The following TMTC2 variants were observed in gnomAD, a reference collection of about 807,000 sequenced individuals.
TMTC2 encodes the protein protein O-mannosyl-transferase TMTC2.
Under a neutral mutation model 82.4 loss-of-function variants are expected in TMTC2, and 43 were observed. The ratio of observed to expected loss-of-function variants is 0.52; its 90% confidence interval spans 0.41 to 0.67. The LOEUF (loss-of-function observed/expected upper bound fraction) is 0.67. Ranked by LOEUF, TMTC2 falls within the 30% of genes least tolerant of loss-of-function variation. The probability of loss-of-function intolerance (pLI) is 0.00; values close to 1 mark genes in which losing one functional copy is unlikely to be tolerated. For missense variants in TMTC2, 919 were observed against 1,012.4 expected (o/e 0.91, Z 1.25); for synonymous variants, 408 against 381.9 (o/e 1.07, Z -0.80).
chr12:83,051,158 A>G, intron 10 of TMTC2, 140 bp downstream of exon 10: 1 of 593,500 alleles, frequency 1.7e-6, no homozygotes, highest in Non-Finnish European at 2.8e-6. Context: ...AATTAGAAAT[A>G]TTGTATTCAT....
intron 11 of TMTC2, among the ~76,000 whole-genome samples, chr12:83,108,831 G>T (rs1360289323): frequency 6.6e-6 from 1 of 152,136 alleles, no homozygotes; most frequent in East Asian, 1.9e-4. Context: ...AGTGAAGATT[G>T]TCTTTCAAAG....
chr12:83,071,401 C>T (rs1052308086), intron 11 of TMTC2, among the ~76,000 whole-genome samples: 1 of 152,146 alleles, frequency 6.6e-6, no homozygotes. Context: ...TCGTGATCCA[C>T]CCGCCTTGGC....
At chr12:82,982,187 G>A (rs1234057223) in intron 7 of TMTC2, among the ~76,000 whole-genome samples, 1 of 151,774 alleles carries the variant, frequency 6.6e-6, no homozygotes, top group Non-Finnish European at 1.5e-5. Flanking sequence ...GCAGCTTGAT[G>A]CGATGGGAAG....
chr12:82,774,465 AC>A (rs1877479692), intron 1 of TMTC2, among the ~76,000 whole-genome samples: 1 of 151,972 alleles, frequency 6.6e-6, no homozygotes, highest in Admixed American at 6.6e-5. Flanking sequence ...TACCAAAAAT[AC>A]AAAAACTAGC....
intron 11 of TMTC2, among the ~76,000 whole-genome samples, chr12:83,113,001 T>C (rs754339623): frequency 4.6e-5 from 7 of 152,202 alleles, no homozygotes; most frequent in Non-Finnish European, 7.3e-5. Flanking sequence ...GGGTTTGAAA[T>C]AATTTACTTT....
At chr12:82,888,766 G>T (rs1873233512) in intron 2 of TMTC2, among the ~76,000 whole-genome samples, 1 of 152,180 alleles carries the variant, frequency 6.6e-6, no homozygotes, top group Admixed American at 6.5e-5. Flanking sequence ...TGGGAGAGAT[G>T]TGTCAGTTAT....
intron 4 of TMTC2, 49 bp downstream of exon 4, chr12:82,930,594 T>A: frequency 9.0e-7 from 1 of 1,110,628 alleles, no homozygotes; most frequent in Non-Finnish European, 1.3e-6. Context: ...AAACCTGCAG[T>A]GAGAGGGACT....
intron 8 of TMTC2, among the ~76,000 whole-genome samples, chr12:83,009,785 G>A (rs993016957): frequency 3.3e-5 from 5 of 152,154 alleles, no homozygotes; most frequent in African/African-American, 1.2e-4. Context: ...TTTAATGGAA[G>A]ACAATGTTTC....
At chr12:82,965,415 G>A (rs1198483874) in intron 5 of TMTC2, 145 bp from the exon 6 acceptor site, 1 of 802,156 alleles carries the variant, frequency 1.2e-6, no homozygotes, top group Non-Finnish European at 1.9e-6. Flanking sequence ...TACCATTATT[G>A]ATCCCATGAG....
intron 1 of TMTC2, among the ~76,000 whole-genome samples, chr12:82,789,539 G>A (rs553285247): frequency 6.6e-6 from 1 of 152,152 alleles, no homozygotes; most frequent in Admixed American, 6.5e-5. Flanking sequence ...GAAGTAAAAT[G>A]CCACCCGATT....
intron 1 of TMTC2, among the ~76,000 whole-genome samples, chr12:82,748,010 A>G (rs750956062): frequency 2.0e-5 from 3 of 152,190 alleles, no homozygotes; most frequent in East Asian, 3.9e-4. Context: ...AATTAACCGT[A>G]GTTTTTAAAA....
intron 1 of TMTC2, among the ~76,000 whole-genome samples, chr12:82,728,820 C>T (rs937527016): frequency 6.6e-5 from 10 of 152,326 alleles, no homozygotes; most frequent in East Asian, 1.9e-4. Context: ...TGCAGGCCAG[C>T]GCGAGTTCCA....
rs189501723 is a variant in TMTC2, at chr12:82,873,962, T to G, written c.654+16382T>G. On this transcript the variant is annotated intron_variant, in intron 2 of 11. Transcript: ENST00000321196. ...TAGAGGCAAATTCACTACTGAACAA[T>G]TTTAAAAGAGCAATCACATAAAGTT... 2.9e-3 allele frequency among the ~76,000 whole-genome samples: 436 copies of G among 152,302 alleles called. 2 individuals carry two copies. The highest frequency in any genetic ancestry group is 1.0e-2 in the African/African-American group (415 of 41,556).
At chr12:83,103,319 ATT>A (rs1170387924) in intron 11 of TMTC2, among the ~76,000 whole-genome samples, 3 of 152,204 alleles carry the variant, frequency 2.0e-5, no homozygotes, top group Non-Finnish European at 4.4e-5. Context: ...CTGGTCTTGC[ATT>A]GCTGCTATGA....
At chr12:82,968,162 A>G (rs980092513) in intron 7 of TMTC2, among the ~76,000 whole-genome samples, 8 of 152,104 alleles carry the variant, frequency 5.3e-5, no homozygotes, top group African/African-American at 1.9e-4. Context: ...CTCACCCTCA[A>G]TTTGCCTGTG....
At chr12:83,006,722 G>C (rs4569064) in intron 8 of TMTC2, among the ~76,000 whole-genome samples, 116,317 of 151,806 alleles carry the variant, frequency 0.77, 46,083 homozygotes, top group South Asian at 0.93. Context: ...ATCAATGATA[G>C]ACTGGATTAA....
chr12:82,915,361 A>T (rs1255682865), intron 3 of TMTC2, among the ~76,000 whole-genome samples: 1 of 152,176 alleles, frequency 6.6e-6, no homozygotes. Flanking sequence ...TTACTAAATT[A>T]TTGCTTTTAC....
At chr12:83,013,438 T>C (rs1004870078) in intron 8 of TMTC2, among the ~76,000 whole-genome samples, 3 of 152,186 alleles carry the variant, frequency 2.0e-5, no homozygotes, top group African/African-American at 7.2e-5. Context: ...CCACCTAGGC[T>C]AGCAATACTT....
At chr12:83,041,880 C>T (rs1034984139) in intron 9 of TMTC2, among the ~76,000 whole-genome samples, 4 of 152,174 alleles carry the variant, frequency 2.6e-5, no homozygotes, top group Admixed American at 6.5e-5. Flanking sequence ...TCTTGGAGAA[C>T]TCTGTAGTGT....
Sources: allele counts gnomAD v4.1 joint callset (sites outside exome capture counted in the v4.1 genomes callset), GRCh38; gene constraint gnomAD v4.1.1; transcripts MANE v1.5; gene names NCBI Gene and HGNC (gene_info 2026-07-23, HGNC 2026-07-21).